Variants in CCDC171 observed in about 807,000 individuals in gnomAD.
CCDC171 encodes the protein coiled-coil domain-containing protein 171.
A neutral mutation model predicts 168.2 loss-of-function variants in CCDC171; 177 were observed. The observed-to-expected ratio is 1.05, with a 90% CI of 0.93 to 1.19. The LOEUF is 1.19. CCDC171 is among the 50% of genes most tolerant of loss of function. CCDC171 has a pLI of 0.00. For missense variants in CCDC171, 1,991 were observed against 1,539.0 expected (o/e 1.29, Z -4.91); for synonymous variants, 687 against 540.8 (o/e 1.27, Z -3.75).
intron 21 of CCDC171, among the ~76,000 whole-genome samples, chr9:15,845,857 C>G (rs2130728468): frequency 6.6e-6 from 1 of 152,060 alleles, no homozygotes; most frequent in East Asian, 1.9e-4. Context: ...AGAATTTTAA[C>G]TGAGGTCTAG....
intron 9 of CCDC171, among the ~76,000 whole-genome samples, chr9:15,676,170 A>T (rs562702667): frequency 6.6e-6 from 1 of 151,892 alleles, no homozygotes; most frequent in Non-Finnish European, 1.5e-5. Flanking sequence ...CGAATTGGCT[A>T]TTGAAGCTTG....
At chr9:16,014,683 C>G (rs1262152761) in intron 3 of CCDC171, among the ~76,000 whole-genome samples, 1 of 152,114 alleles carries the variant, frequency 6.6e-6, no homozygotes, top group African/African-American at 2.4e-5. Flanking sequence ...ATAACAATAT[C>G]CATCTCCTTG....
rs1000524723 is a variant in CCDC171, at chr9:15,971,972, T to A, written c.*136T>A. On this transcript the variant is annotated 3_prime_UTR_variant, in exon 26 of 26. Transcript: ENST00000380701. ...AAAAAATTTGTGCGCTATCTTGATG[T>A]ATTCTGGTAGCTCTGTCTCCTTGAA... The A allele has an allele frequency of 7.4e-6, 5 of 675,620 alleles. No homozygotes were observed. Among genetic ancestry groups the A allele is most frequent in the Non-Finnish European group, 1.3e-5 (5 of 398,960 alleles). The allele number at this position is 675,620 out of a possible 1,614,324, so 41.9% of individuals were successfully genotyped here.
chr9:15,600,043 A>G (rs571133535), intron 6 of CCDC171, among the ~76,000 whole-genome samples: 17 of 152,124 alleles, frequency 1.1e-4, no homozygotes, highest in East Asian at 1.9e-4. Context: ...CTAGTTAGCC[A>G]TTCGTCTAAT....
chr9:15,716,045 C>G (rs1417483734), intron 11 of CCDC171, among the ~76,000 whole-genome samples: 1 of 152,272 alleles, frequency 6.6e-6, no homozygotes, highest in Non-Finnish European at 1.5e-5. Flanking sequence ...CATATTTGGG[C>G]ACCCAGTGAC....
intron 6 of CCDC171, among the ~76,000 whole-genome samples, chr9:15,610,795 G>A (rs1340166506): frequency 2.0e-5 from 3 of 152,080 alleles, no homozygotes; most frequent in Non-Finnish European, 2.9e-5. Flanking sequence ...CTGGACTCAA[G>A]TGGTCATCCC....
At chr9:15,603,454 T>A (rs2043005665) in intron 6 of CCDC171, among the ~76,000 whole-genome samples, 2 of 152,186 alleles carry the variant, frequency 1.3e-5, no homozygotes, top group Non-Finnish European at 2.9e-5. Context: ...CCTCCCTGTG[T>A]CCATGTGTTC....
At chr9:15,610,268 A>G (rs1429336644) in intron 6 of CCDC171, among the ~76,000 whole-genome samples, 1 of 150,132 alleles carries the variant, frequency 6.7e-6, no homozygotes, top group Non-Finnish European at 1.5e-5. Flanking sequence ...TCTGCTGCAA[A>G]GGCTGGAAAT....
chr9:15,987,904 T>C (rs532655480), intron 3 of CCDC171, among the ~76,000 whole-genome samples: 51 of 152,076 alleles, frequency 3.4e-4, no homozygotes, highest in African/African-American at 1.1e-3. Flanking sequence ...CTTAATAACT[T>C]TGTGCATGAA....
intron 7 of CCDC171, among the ~76,000 whole-genome samples, chr9:15,628,200 G>T (rs575328579): frequency 6.6e-6 from 1 of 152,100 alleles, no homozygotes; most frequent in South Asian, 2.1e-4. Context: ...GCAGCACACC[G>T]TGCACCAGCC....
At chr9:15,596,227 T>C (rs1476136111) in intron 6 of CCDC171, among the ~76,000 whole-genome samples, 2 of 152,170 alleles carry the variant, frequency 1.3e-5, no homozygotes, top group Non-Finnish European at 2.9e-5. Context: ...CCCATGCCTA[T>C]GTCCTGAATG....
chr9:15,821,076 A>T lies in CCDC171; in HGVS notation c.3268-25626A>T, dbSNP rs2059752961. 1.7e-5 allele frequency among the ~76,000 whole-genome samples: 2 copies of T among 117,728 alleles called. 1 individual carries two copies. The highest frequency in any genetic ancestry group is 6.4e-5 in the African/African-American group (2 of 31,364). The allele number at this position is 117,728 out of a possible 152,430, so 77.2% of individuals were successfully genotyped here. The stretch of plus-strand genomic sequence containing the variant: ...TAATCCAGCATATAAACAGACCCAA[A>T]GACAAAAATCACATGATTATCTCAA... On this transcript the variant is annotated intron_variant, in intron 21 of 25. Transcript: ENST00000380701.
intron 6 of CCDC171, among the ~76,000 whole-genome samples, chr9:15,618,408 G>A (rs762625500): frequency 1.3e-4 from 20 of 152,332 alleles, no homozygotes; most frequent in Non-Finnish European, 2.6e-4. Context: ...CCAGACTGCT[G>A]TGCTGGCAGT....
intron 7 of CCDC171, among the ~76,000 whole-genome samples, chr9:15,642,191 G>A (rs1193193372): frequency 6.6e-6 from 1 of 151,556 alleles, no homozygotes; most frequent in East Asian, 1.9e-4. Flanking sequence ...GTTGTTCGTA[G>A]TGTATAGTAC....
At chr9:15,877,452 T>A (rs545152277) in intron 24 of CCDC171, among the ~76,000 whole-genome samples, 1 of 152,166 alleles carries the variant, frequency 6.6e-6, no homozygotes, top group Non-Finnish European at 1.5e-5. Context: ...TATCTTTCCA[T>A]TTAGTTTCTT....
intron 20 of CCDC171, 112 bp from the exon 21 acceptor site, chr9:15,784,397 T>C: frequency 1.9e-6 from 1 of 534,498 alleles, no homozygotes; most frequent in East Asian, 3.3e-5. Flanking sequence ...ATTTTTTTAA[T>C]GTATCAAGTG....
At chr9:16,101,669 G>A in the CCDC171 span, among the ~76,000 whole-genome samples, 1 of 152,238 alleles carries the variant, frequency 6.6e-6, no homozygotes, top group Non-Finnish European at 1.5e-5. Flanking sequence ...CTTTGAAGCA[G>A]TAGAAAATTG....
At chr9:15,793,325 A>G (rs926575019) in intron 21 of CCDC171, among the ~76,000 whole-genome samples, 1 of 151,910 alleles carries the variant, frequency 6.6e-6, no homozygotes, top group African/African-American at 2.4e-5. Flanking sequence ...TTCATAAAGC[A>G]AGTCCTTAGA....
At chr9:15,852,158 A>G (rs535605973) in intron 23 of CCDC171, among the ~76,000 whole-genome samples, 3 of 151,730 alleles carry the variant, frequency 2.0e-5, no homozygotes, top group African/African-American at 7.3e-5. Flanking sequence ...AGGAACCACA[A>G]CTGTTTTCCA....
Sources: gnomAD v4.1 joint callset for allele counts (sites outside exome capture counted in the v4.1 genomes callset) on GRCh38, gnomAD v4.1.1 for gene constraint, MANE v1.5 for transcripts, NCBI Gene and HGNC (gene_info 2026-07-23, HGNC 2026-07-21) for gene names.